Variants in HDAC4 observed in about 807,000 individuals in gnomAD.
HDAC4 encodes histone deacetylase A.
Under a neutral mutation model 135.1 loss-of-function variants are expected in HDAC4, and 16 were observed. The ratio of observed to expected loss-of-function variants is 0.12; its 90% CI spans 0.08 to 0.18. HDAC4 has a LOEUF of 0.18. Ranked by LOEUF, HDAC4 falls within the 10% of genes least tolerant of loss-of-function variation. The probability of loss-of-function intolerance (pLI) is 1.00; values close to 1 mark genes in which losing one functional copy is unlikely to be tolerated. For missense variants in HDAC4, 1,143 were observed against 1,511.8 expected (o/e 0.76, Z 4.05); for synonymous variants, 685 against 653.4 (o/e 1.05, Z -0.74).
rs1187836290 is a variant in HDAC4 at position 239,053,615 on chromosome 2, G to A, written c.3089-14C>T. 9.9e-6 allele frequency: 16 copies of A among 1,612,576 alleles called. 1 individual carries two copies. Among genetic ancestry groups the A allele is most frequent in the Non-Finnish European group, 1.3e-5 (15 of 1,179,626 alleles). ...GCCAGTACTTGCCTGGGGTGGTGGG[G>A]TGAGGAAAGTCGCTCAGTGACTACA... On this transcript the variant is annotated splice_polypyrimidine_tract_variant and intron_variant, in intron 25 of 26. Coordinates refer to ENST00000543185, the MANE Select transcript of HDAC4 (RefSeq NM_001378414.1).
chr2:239,052,822 C>T lies in HDAC4; in HGVS notation c.*275G>A. 2 of 505,134 alleles carry T rather than the reference C, an allele frequency of 4.0e-6. No individual in the cohort carries two copies. Among genetic ancestry groups the T allele is most frequent in the South Asian group, 5.2e-5 (2 of 38,618 alleles). 31.3% of individuals were successfully genotyped at this position (505,134 alleles called of 1,614,324 possible). ...CCACGGCGTCCCTTGCGGGACCCGC[C>T]AGAGTGTGCTTGGCTTCCGCGTGTC... On this transcript the variant is annotated 3_prime_UTR_variant, in exon 27 of 27. Coordinates refer to ENST00000543185, the MANE Select transcript of HDAC4 (RefSeq NM_001378414.1).
chr2:239,086,473 G>A (rs928212501), intron 19 of HDAC4, among the ~76,000 whole-genome samples: 12 of 150,582 alleles, frequency 8.0e-5, no homozygotes, highest in South Asian at 2.1e-4. Context: ...TGTCTCTCAC[G>A]TACAATCTCT....
At chr2:239,071,793 G>A (rs922505436) in intron 22 of HDAC4, among the ~76,000 whole-genome samples, 1 of 152,080 alleles carries the variant, frequency 6.6e-6, no homozygotes, top group Non-Finnish European at 1.5e-5. Flanking sequence ...TGTGGTTTTG[G>A]TGCCCACTGA....
intron 1 of HDAC4, among the ~76,000 whole-genome samples, chr2:239,374,000 C>G (rs1239620500): frequency 1.3e-5 from 2 of 152,068 alleles, no homozygotes; most frequent in Non-Finnish European, 2.9e-5. Context: ...AAAGTTGAAG[C>G]AAGAAAAAGA....
rs188541524 is a variant in HDAC4 at position 239,121,351 on chromosome 2, G to A, written c.1533+5105C>T. ...ACAGATGAATGGCGGTGGAGGTAGTGGGGGTCATAGCGGGGGTCAGCCTCT... is the reference window on the plus strand; with the variant it reads ...ACAGATGAATGGCGGTGGAGGTAGTAGGGGTCATAGCGGGGGTCAGCCTCT... On this transcript the variant is annotated intron_variant, in intron 12 of 26. Transcript: ENST00000543185. Among the ~76,000 whole-genome samples the A allele has an allele frequency of 4.8e-3, 730 of 152,266 alleles. 7 individuals carry two copies. Among genetic ancestry groups the A allele is most frequent in the Non-Finnish European group, 6.9e-3 (472 of 68,008 alleles).
chr2:239,183,279 T>C (rs1342440107), intron 4 of HDAC4, among the ~76,000 whole-genome samples: 1 of 152,246 alleles, frequency 6.6e-6, no homozygotes, highest in Non-Finnish European at 1.5e-5. Flanking sequence ...TATACAAATA[T>C]TCAAGTGGTA....
intron 3 of HDAC4, among the ~76,000 whole-genome samples, chr2:239,208,569 A>G (rs2046194270): frequency 6.6e-6 from 1 of 152,128 alleles, no homozygotes; most frequent in South Asian, 2.1e-4. Flanking sequence ...TGAATCCTGA[A>G]AAAGCTGATG....
intron 3 of HDAC4, among the ~76,000 whole-genome samples, chr2:239,224,010 C>A (rs2047110243): frequency 6.6e-6 from 1 of 152,140 alleles, no homozygotes; most frequent in African/African-American, 2.4e-5. Flanking sequence ...CCAACGCCTA[C>A]CACTCAGTGT....
intron 2 of HDAC4, among the ~76,000 whole-genome samples, chr2:239,239,258 T>G (rs1157963851): frequency 6.6e-6 from 1 of 152,204 alleles, no homozygotes; most frequent in African/African-American, 2.4e-5. Context: ...CCTCTCAGGT[T>G]CTGTAATTTG....
intron 2 of HDAC4, among the ~76,000 whole-genome samples, chr2:239,329,960 A>AGGAGGAGGGGTGTCCTGGTG (rs1480869731): frequency 3.3e-5 from 5 of 152,052 alleles, no homozygotes; most frequent in Non-Finnish European, 5.9e-5. Flanking sequence ...TGGGGGAGCA[A>AGGAGGAGGGGTGTCCTGGTG]GGAGGAGGGG....
At chr2:239,075,640 G>C (rs1014130576) in intron 22 of HDAC4, among the ~76,000 whole-genome samples, 1 of 152,226 alleles carries the variant, frequency 6.6e-6, no homozygotes, top group African/African-American at 2.4e-5. Flanking sequence ...TCTGCATTTA[G>C]GGAGGTCCCG....
chr2:239,139,644 A>G lies in HDAC4; in HGVS notation c.978+40T>C, dbSNP rs1318491094. 6.4e-7 allele frequency: 1 copy of G among 1,562,522 alleles called. No individual in the cohort carries two copies. Among genetic ancestry groups the G allele is most frequent in the Non-Finnish European group, 8.8e-7 (1 of 1,133,136 alleles). On this transcript the variant is annotated intron_variant, in intron 9 of 26. Coordinates refer to ENST00000543185, the MANE Select transcript of HDAC4 (RefSeq NM_001378414.1). The surrounding 1 kb of genome is among the most constrained non-coding windows in gnomAD (Gnocchi z 5.3). Reference sequence around the variant, plus strand: ...TTCAAGCTCATCCGTCCCGAGTCCGACTCTAGCCGTAGGACACAGGACAAA... The same window carrying G: ...TTCAAGCTCATCCGTCCCGAGTCCGGCTCTAGCCGTAGGACACAGGACAAA...
At chr2:239,312,824 C>T (rs564348867) in intron 2 of HDAC4, among the ~76,000 whole-genome samples, 5 of 152,332 alleles carry the variant, frequency 3.3e-5, no homozygotes, top group African/African-American at 4.8e-5. Flanking sequence ...GCCTGGTACA[C>T]GGAGAGGGGA....
At chr2:239,391,789 C>G (rs558197239) in intron 1 of HDAC4, among the ~76,000 whole-genome samples, 2 of 152,314 alleles carry the variant, frequency 1.3e-5, no homozygotes, top group Non-Finnish European at 2.9e-5. Flanking sequence ...CACGAGAGCA[C>G]CGAGGAACCA....
intron 7 of HDAC4, among the ~76,000 whole-genome samples, chr2:239,147,494 C>T (rs1041842599): frequency 6.6e-6 from 1 of 152,264 alleles, no homozygotes; most frequent in African/African-American, 2.4e-5. Context: ...CTGTGAGGGT[C>T]GAGGCTGCAC....
At chr2:239,261,840 C>G in intron 2 of HDAC4, among the ~76,000 whole-genome samples, 1 of 152,312 alleles carries the variant, frequency 6.6e-6, no homozygotes, top group South Asian at 2.1e-4. Flanking sequence ...AGGAGCCCGG[C>G]AGGGACACCC....
intron 1 of HDAC4, among the ~76,000 whole-genome samples, chr2:239,355,818 C>T (rs1693457098): frequency 6.6e-6 from 1 of 152,208 alleles, no homozygotes; most frequent in Non-Finnish European, 1.5e-5. Context: ...TAATACTGGT[C>T]AATTATGCTT....
chr2:239,289,819 G>A (rs766560427), intron 2 of HDAC4, among the ~76,000 whole-genome samples: 6 of 152,160 alleles, frequency 3.9e-5, no homozygotes, highest in Non-Finnish European at 7.4e-5. Context: ...ATAACCCTCC[G>A]TTTCCCTACT....
chr2:239,345,004 C>A (rs913943973), intron 2 of HDAC4, among the ~76,000 whole-genome samples: 4 of 152,128 alleles, frequency 2.6e-5, no homozygotes, highest in African/African-American at 9.7e-5. Context: ...GCCCTGCCAC[C>A]TTGTCCAAGC....
Sources: allele counts gnomAD v4.1 joint callset (sites outside exome capture counted in the v4.1 genomes callset), GRCh38; gene constraint gnomAD v4.1.1; non-coding constraint Gnocchi (gnomAD v3.1); transcripts MANE v1.5; gene names NCBI Gene and HGNC (gene_info 2026-07-23, HGNC 2026-07-21).